YWHAZ: variants seen among roughly 807,000 people sequenced by gnomAD.
YWHAZ encodes tyrosine 3-monooxygenase/tryptophan 5-monooxygenase activation protein zeta.
For synonymous variants in YWHAZ, 87 were observed against 103.6 expected (o/e 0.84, Z 0.97); for missense variants, 79 against 284.8 (o/e 0.28, Z 5.20).
chr8:100,937,839 A>G (rs1400771573), intron 2 of YWHAZ, among the ~76,000 whole-genome samples: 1 of 152,214 alleles, frequency 6.6e-6, no homozygotes, highest in African/African-American at 2.4e-5. Flanking sequence ...TATAGTCTGA[A>G]ACAAAAATCG....
In YWHAZ at chr8:100,927,769, A is replaced by T. The variant is rs72667364; in HGVS notation, c.295-2730T>A. On this transcript the variant is annotated intron_variant, in intron 2 of 5. Coordinates refer to ENST00000395958, the MANE Select transcript of YWHAZ (RefSeq NM_145690.3). ...ACTTTCTACCTGGGTAATATGCTGA[A>T]CTAAGCAGTTCCCTGGGAATTAAAA... Among the ~76,000 whole-genome samples, 430 of 152,374 alleles carry T rather than the reference A, an allele frequency of 2.8e-3. 3 individuals are homozygous for T. Among genetic ancestry groups the T allele is most frequent in the Middle Eastern group, 0.014 (4 of 294 alleles).
intron 2 of YWHAZ, among the ~76,000 whole-genome samples, chr8:100,927,814 T>C (rs995013960): frequency 6.6e-6 from 1 of 152,158 alleles, no homozygotes; most frequent in Non-Finnish European, 1.5e-5. Context: ...AGCACTTCTT[T>C]CCCCAAAGCT....
At chr8:100,953,003 CGCCGAGGTGGG>C (rs1810912649), upstream of YWHAZ, 3 of 1,000,260 alleles carry the variant, frequency 3.0e-6, no homozygotes, top group East Asian at 1.1e-4. Context: ...AATGGGTGGG[CGCCGAGGTGGG>C]GGCGAGGTGG....
intron 1 of YWHAZ, among the ~76,000 whole-genome samples, chr8:100,949,637 T>C (rs982471076): frequency 2.0e-5 from 3 of 152,238 alleles, no homozygotes; most frequent in African/African-American, 7.2e-5. Flanking sequence ...ACTTCAACTC[T>C]TACTGTGAGT....
At chr8:100,929,990 C>T (rs1470424718) in intron 2 of YWHAZ, among the ~76,000 whole-genome samples, 3 of 152,196 alleles carry the variant, frequency 2.0e-5, no homozygotes, top group South Asian at 2.1e-4. Context: ...TCCTAAATTT[C>T]GTTCACCTAC....
Position 100,948,022 on chromosome 8 carries a change from T to C in YWHAZ, c.294+574A>G, listed in dbSNP as rs1810435616. 4 of 1,340,606 alleles carry C rather than the reference T, an allele frequency of 3.0e-6. No homozygotes were observed. Among genetic ancestry groups the C allele is most frequent in the Admixed American group, 2.3e-5 (1 of 43,330 alleles). The allele number at this position is 1,340,606 out of a possible 1,614,324, so 83.0% of individuals were successfully genotyped here. On this transcript the variant is annotated intron_variant, in intron 2 of 5. Transcript: ENST00000395958. This position sits in a 1 kb window ranked among gnomAD's most constrained non-coding sequence, Gnocchi z 4.2. The stretch of plus-strand genomic sequence containing the variant: ...AAAATACTCGATTCAAACTGGAAAA[T>C]CAAGCTTGAGTTGTTCATAACCTTT...
In YWHAZ at chr8:100,950,518, G is replaced by A. The variant is rs1015638059; in HGVS notation, c.-12+1411C>T. The A allele has an allele frequency of 8.1e-6, 8 of 985,428 alleles. No homozygotes were observed. The African/African-American group carries it at 1.4e-4, about 17-fold the overall frequency. The allele number at this position is 985,428 out of a possible 1,614,324, so 61.0% of individuals were successfully genotyped here. Reference sequence around the variant, plus strand: ...CCCCCCTCCAGGCTCCGCCCAAGTCGGAGCCACGGCTCAAGTCCCCGACTC... The same window carrying A: ...CCCCCCTCCAGGCTCCGCCCAAGTCAGAGCCACGGCTCAAGTCCCCGACTC... On this transcript the variant is annotated intron_variant, in intron 1 of 5. Coordinates refer to ENST00000395958, the MANE Select transcript of YWHAZ (RefSeq NM_145690.3).
chr8:100,924,868 CTA>C lies in YWHAZ; in HGVS notation c.418+46_418+47del. On this transcript the variant is annotated intron_variant, in intron 3 of 5. Transcript: ENST00000395958. The surrounding 1 kb of genome is among the most constrained non-coding windows in gnomAD (Gnocchi z 5.7). ...TGTACGCTTCAGAGACTCTTCCTCA[CTA>C]TGTTATCTTATACAAGTTCAACCAA... 1.2e-6 allele frequency: 2 copies of C among 1,607,800 alleles called. No individual in the cohort carries two copies. The highest frequency in any genetic ancestry group is 2.2e-5 in the East Asian group (1 of 44,800).
intron 2 of YWHAZ, among the ~76,000 whole-genome samples, chr8:100,947,143 A>C (rs1393592442): frequency 2.7e-5 from 4 of 150,880 alleles, no homozygotes; most frequent in African/African-American, 7.3e-5. Context: ...AGTCTCAGCT[A>C]TTCGGGAGGC....
At chr8:100,937,928 C>A (rs1263831314) in intron 2 of YWHAZ, among the ~76,000 whole-genome samples, 1 of 152,146 alleles carries the variant, frequency 6.6e-6, no homozygotes, top group African/African-American at 2.4e-5. Flanking sequence ...GTCAGGAGTT[C>A]GAGACCAGCC....
chr8:100,950,813 G>C, intron 1 of YWHAZ: 1 of 168,662 alleles, frequency 5.9e-6, no homozygotes, highest in Non-Finnish European at 1.2e-5. Context: ...CGGTGACCGT[G>C]TACAGCGTCT....
upstream of YWHAZ, chr8:100,953,043 G>C (rs1315536867): frequency 1.0e-6 from 1 of 999,254 alleles, no homozygotes; most frequent in Non-Finnish European, 1.2e-6. Flanking sequence ...GGGCGGAGCC[G>C]GCAGGAGGTG....
rs1813075052 is a variant in YWHAZ at position 100,922,300 on chromosome 8, C to G, written c.679-1548G>C. ...TTGACAGATAAATGTTCCAATCAAC[C>G]TATAATGGTGACAGCTGACACTAAT... On this transcript the variant is annotated intron_variant, in intron 5 of 5. Coordinates refer to ENST00000395958, the MANE Select transcript of YWHAZ (RefSeq NM_145690.3). The surrounding 1 kb of genome is among the most constrained non-coding windows in gnomAD (Gnocchi z 4.1). The G allele has an allele frequency of 6.6e-6, 1 of 152,074 alleles. No homozygotes were observed. The highest frequency in any genetic ancestry group is 2.4e-5 in the African/African-American group (1 of 41,392). The allele number at this position is 152,074 out of a possible 1,614,324, so 9.4% of individuals were successfully genotyped here. A position where few individuals can be genotyped will look rare whatever the true frequency, so the allele number is the denominator to read the frequency against.
chr8:100,947,637 CAG>C (rs777315544), intron 2 of YWHAZ, among the ~76,000 whole-genome samples: 1 of 152,208 alleles, frequency 6.6e-6, no homozygotes, highest in Non-Finnish European at 1.5e-5. Context: ...ACAACCACAT[CAG>C]ACATTATCCT....
At chr8:100,932,494 A>G (rs1473259578) in intron 2 of YWHAZ, among the ~76,000 whole-genome samples, 1 of 152,230 alleles carries the variant, frequency 6.6e-6, no homozygotes, top group African/African-American at 2.4e-5. Flanking sequence ...AGTTTGTCTC[A>G]AGACACTTTT....
At chr8:100,935,009 TG>T (rs1035301806) in intron 2 of YWHAZ, 1 of 150,804 alleles carries the variant, frequency 6.6e-6, no homozygotes, top group African/African-American at 2.4e-5. Context: ...AAAAAAAAAT[TG>T]GATGTGGTGG....
At chr8:100,947,369 T>G (rs1260113333) in intron 2 of YWHAZ, among the ~76,000 whole-genome samples, 1 of 152,136 alleles carries the variant, frequency 6.6e-6, no homozygotes, top group Non-Finnish European at 1.5e-5. Context: ...TTTTTCAACT[T>G]AGATACAAAT....
intron 2 of YWHAZ, among the ~76,000 whole-genome samples, chr8:100,943,195 T>C (rs1024367162): frequency 2.0e-5 from 3 of 152,218 alleles, no homozygotes; most frequent in African/African-American, 7.2e-5. Flanking sequence ...ATATTGAAAC[T>C]GACAGCAGTT....
intron 1 of YWHAZ, chr8:100,951,177 A>C (rs1810735580): frequency 4.9e-5 from 48 of 984,188 alleles, no homozygotes; most frequent in Non-Finnish European, 5.7e-5. Context: ...CCCCACCCCA[A>C]AACCTCACCC....
Sources: gnomAD v4.1 joint callset for allele counts (sites outside exome capture counted in the v4.1 genomes callset) on GRCh38, gnomAD v4.1.1 for gene constraint, Gnocchi (gnomAD v3.1) non-coding constraint, MANE v1.5 for transcripts, NCBI Gene and HGNC (gene_info 2026-07-23, HGNC 2026-07-21) for gene names.